Variants in NSUN6 observed in about 807,000 individuals in gnomAD.
NSUN6 encodes tRNA (cytosine(72)-C(5))-methyltransferase NSUN6.
A neutral mutation model predicts 58.0 loss-of-function variants in NSUN6; 64 were observed. The ratio of observed to expected loss-of-function variants is 1.10; its 90% CI spans 0.90 to 1.36. The LOEUF is 1.36. Among genes scored for constraint, NSUN6 ranks in the 40% most tolerant of loss-of-function variants. The pLI is 0.00. For synonymous variants in NSUN6, 231 were observed against 193.9 expected, an observed-to-expected ratio of 1.19 and a Z score of -1.59; for missense variants, 701 against 550.1, an observed-to-expected ratio of 1.27 and a Z score of -2.74.
chr10:18,636,787 G>A (rs1035165644), intron 3 of NSUN6, among the ~76,000 whole-genome samples: 3 of 151,940 alleles, frequency 2.0e-5, no homozygotes, highest in East Asian at 3.9e-4. Context: ...AGCTACTCGG[G>A]AGGCTGAGGC....
intron 2 of NSUN6, among the ~76,000 whole-genome samples, chr10:18,645,109 G>C (rs867180790): frequency 7.0e-6 from 1 of 143,232 alleles, no homozygotes; most frequent in African/African-American, 2.6e-5. Context: ...AGTGAGCTGA[G>C]ATCGCGCCAT....
intron 6 of NSUN6, among the ~76,000 whole-genome samples, chr10:18,600,978 G>GTGTA (rs1554870075): frequency 3.9e-5 from 3 of 77,022 alleles, no homozygotes; most frequent in South Asian, 4.1e-4. Flanking sequence ...ATATATATAT[G>GTGTA]TATATATATA....
At chr10:18,585,615 T>C (rs1589960691) in intron 8 of NSUN6, among the ~76,000 whole-genome samples, 1 of 151,964 alleles carries the variant, frequency 6.6e-6, no homozygotes, top group East Asian at 1.9e-4. Context: ...GTCAAACTCA[T>C]AGAAAGAATA....
At chr10:18,650,688 A>T (rs1440959299) in intron 1 of NSUN6, among the ~76,000 whole-genome samples, 1 of 152,182 alleles carries the variant, frequency 6.6e-6, no homozygotes, top group Non-Finnish European at 1.5e-5. Context: ...AAGAGGAAAA[A>T]CCTCTAAGAA....
intron 8 of NSUN6, among the ~76,000 whole-genome samples, chr10:18,581,380 A>G (rs1262598058): frequency 1.3e-5 from 2 of 152,134 alleles, no homozygotes; most frequent in African/African-American, 2.4e-5. Context: ...GATGAAAGTG[A>G]CCTCTGGTGG....
chr10:18,596,131 G>A, intron 7 of NSUN6, 77 bp downstream of exon 7: 1 of 1,214,512 alleles, frequency 8.2e-7, no homozygotes, highest in East Asian at 2.3e-5. Context: ...GACTGTGAAT[G>A]GCTCTATGTT....
chr10:18,565,935 C>T (rs185714799), intron 8 of NSUN6, among the ~76,000 whole-genome samples: 7 of 143,634 alleles, frequency 4.9e-5, no homozygotes, highest in Non-Finnish European at 7.7e-5. Context: ...TCCATTCTCC[C>T]TCCCATTCCC....
chr10:18,595,877 GTTT>G, intron 7 of NSUN6, among the ~76,000 whole-genome samples: 1 of 152,198 alleles, frequency 6.6e-6, no homozygotes, highest in Non-Finnish European at 1.5e-5. Flanking sequence ...TGTGAAATTA[GTTT>G]TTAATGGCAG....
intron 8 of NSUN6, among the ~76,000 whole-genome samples, chr10:18,575,965 G>C (rs774066858): frequency 6.6e-6 from 1 of 152,088 alleles, no homozygotes; most frequent in Non-Finnish European, 1.5e-5. Flanking sequence ...AAGCTGGAAG[G>C]AGAAGCTCAA....
intron 8 of NSUN6, among the ~76,000 whole-genome samples, chr10:18,553,274 T>C (rs1365792519): frequency 6.6e-6 from 1 of 151,890 alleles, no homozygotes; most frequent in Non-Finnish European, 1.5e-5. Flanking sequence ...TCCATACCAT[T>C]CCATTCTCTA....
chr10:18,553,283 T>C (rs934158272), intron 8 of NSUN6, among the ~76,000 whole-genome samples: 8 of 151,854 alleles, frequency 5.3e-5, no homozygotes, highest in African/African-American at 1.4e-4. Flanking sequence ...TTCCATTCTC[T>C]ATTCCGTTCC....
At chr10:18,592,413 G>C (rs2057411916) in intron 7 of NSUN6, among the ~76,000 whole-genome samples, 1 of 152,164 alleles carries the variant, frequency 6.6e-6, no homozygotes, top group African/African-American at 2.4e-5. Flanking sequence ...GTATAGCCAA[G>C]CCAATCTTAA....
chr10:18,651,868 A>T (rs4748504), upstream of NSUN6: 758,951 of 985,318 alleles, frequency 0.77, 292,638 homozygotes, highest in East Asian at 0.98. Context: ...ATGGGGAAAC[A>T]GCCAAATGGC....
At chr10:18,583,237 C>T (rs971644392) in intron 8 of NSUN6, among the ~76,000 whole-genome samples, 15 of 152,188 alleles carry the variant, frequency 9.9e-5, no homozygotes, top group African/African-American at 3.6e-4. Context: ...CCTCTGCTAA[C>T]AATAGATAAC....
chr10:18,616,339 T>C, intron 3 of NSUN6, 46 bp from the exon 4 acceptor site: 2 of 1,135,044 alleles, frequency 1.8e-6, no homozygotes, highest in Non-Finnish European at 2.7e-6. Flanking sequence ...ATACCTCCAA[T>C]GCCTACCAAT....
intron 5 of NSUN6, among the ~76,000 whole-genome samples, chr10:18,613,565 A>G (rs1451724181): frequency 6.6e-6 from 1 of 152,204 alleles, no homozygotes. Context: ...CAAAATATCA[A>G]TTACCAATTA....
intron 5 of NSUN6, among the ~76,000 whole-genome samples, chr10:18,611,706 G>A (rs981356356): frequency 4.1e-5 from 6 of 147,608 alleles, no homozygotes; most frequent in Admixed American, 1.4e-4. Context: ...GTGTGTGTGT[G>A]GACAGAGTCT....
intron 3 of NSUN6, among the ~76,000 whole-genome samples, chr10:18,629,910 G>C (rs1201472883): frequency 1.3e-5 from 2 of 150,214 alleles, no homozygotes; most frequent in Admixed American, 1.3e-4. Context: ...GGACCTAATA[G>C]ACATCTACAG....
intron 9 of NSUN6, among the ~76,000 whole-genome samples, chr10:18,550,545 T>G (rs2054535360): frequency 6.6e-6 from 1 of 152,166 alleles, no homozygotes; most frequent in Non-Finnish European, 1.5e-5. Flanking sequence ...GAGTCATTTT[T>G]GAAAGACTAG....
Sources: gnomAD v4.1 joint callset for allele counts (sites outside exome capture counted in the v4.1 genomes callset) on GRCh38, gnomAD v4.1.1 for gene constraint, MANE v1.5 for transcripts, NCBI Gene and HGNC (gene_info 2026-07-23, HGNC 2026-07-21) for gene names.